FAM171A1: variants seen among roughly 807,000 people sequenced by gnomAD.
FAM171A1 encodes the protein protein FAM171A1.
A neutral mutation model predicts 74.9 loss-of-function variants in FAM171A1; 23 were observed. The observed-to-expected ratio is 0.31, with a 90% confidence interval of 0.22 to 0.44. FAM171A1 has a LOEUF of 0.44. FAM171A1 is among the 20% of genes least tolerant of loss of function. FAM171A1 has a pLI of 1.00. For missense variants in FAM171A1, 1,162 were observed against 1,159.2 expected (o/e 1.00, Z -0.03); for synonymous variants, 527 against 505.7 (o/e 1.04, Z -0.57).
At chr10:15,281,944 A>G (rs1349979848) in intron 2 of FAM171A1, among the ~76,000 whole-genome samples, 1 of 152,200 alleles carries the variant, frequency 6.6e-6, no homozygotes, top group Non-Finnish European at 1.5e-5. Context: ...GAATGTGATC[A>G]AAGTGTAGTA....
chr10:15,233,794 C>G (rs564396946), intron 5 of FAM171A1, among the ~76,000 whole-genome samples: 1 of 151,526 alleles, frequency 6.6e-6, no homozygotes, highest in East Asian at 2.0e-4. Flanking sequence ...CCCAGCTATT[C>G]GGGAGGCTGA....
chr10:15,362,249 T>C (rs1836003436), intron 1 of FAM171A1, among the ~76,000 whole-genome samples: 1 of 152,224 alleles, frequency 6.6e-6, no homozygotes, highest in Admixed American at 6.5e-5. Flanking sequence ...AAAGCACCAG[T>C]ATTGTCCAGG....
chr10:15,219,783 T>C (rs1834013650), intron 6 of FAM171A1, among the ~76,000 whole-genome samples: 1 of 152,296 alleles, frequency 6.6e-6, no homozygotes, highest in East Asian at 1.9e-4. Flanking sequence ...GGTTTCACCA[T>C]GTTAGCCAGG....
intron 5 of FAM171A1, among the ~76,000 whole-genome samples, chr10:15,229,580 C>G (rs968426716): frequency 8.7e-6 from 1 of 114,706 alleles, no homozygotes; most frequent in African/African-American, 2.9e-5. Context: ...TCACCAACGT[C>G]ATCATCATCA....
At chr10:15,324,036 C>T (rs58628714) in intron 1 of FAM171A1, among the ~76,000 whole-genome samples, 2,595 of 152,214 alleles carry the variant, frequency 0.017, 73 homozygotes, top group East Asian at 0.087. Flanking sequence ...CCTGCAATCA[C>T]GCAACTTTTA....
intron 1 of FAM171A1, among the ~76,000 whole-genome samples, chr10:15,339,904 G>C (rs763264186): frequency 2.0e-5 from 3 of 152,180 alleles, no homozygotes; most frequent in Non-Finnish European, 4.4e-5. Context: ...TGGCAGACAA[G>C]AGAGAATGAG....
At chr10:15,313,245 C>G (rs1835384860) in intron 1 of FAM171A1, among the ~76,000 whole-genome samples, 1 of 152,236 alleles carries the variant, frequency 6.6e-6, no homozygotes, top group Non-Finnish European at 1.5e-5. Context: ...TGTTCCAGGA[C>G]CCAGCAGCCT....
rs368563539 is a variant in FAM171A1 at position 15,282,082 on chromosome 10, T to C, written c.325+1796A>G. On this transcript the variant is annotated intron_variant, in intron 2 of 7. Transcript: ENST00000378116. ...AGCATTCTGTTGGTGATTTTGCTAT[T>C]TACTTATTTATTTTTAGAGATGGAG... Among the ~76,000 whole-genome samples the C allele has an allele frequency of 6.5e-4, 99 of 152,240 alleles. 1 individual carries two copies. In the East Asian group the frequency reaches 0.01, roughly 16 times the overall value.
At chr10:15,332,477 A>G (rs1835651401) in intron 1 of FAM171A1, among the ~76,000 whole-genome samples, 1 of 152,194 alleles carries the variant, frequency 6.6e-6, no homozygotes, top group South Asian at 2.1e-4. Flanking sequence ...ACATTCTTCC[A>G]TAAAGGGACA....
intron 1 of FAM171A1, among the ~76,000 whole-genome samples, chr10:15,312,377 C>T (rs559202666): frequency 1.3e-5 from 2 of 152,096 alleles, no homozygotes; most frequent in Non-Finnish European, 2.9e-5. Flanking sequence ...TGGTGGGGAG[C>T]TTTCGAATAT....
At chr10:15,318,325 G>A (rs756692074) in intron 1 of FAM171A1, among the ~76,000 whole-genome samples, 11 of 152,232 alleles carry the variant, frequency 7.2e-5, no homozygotes, top group Non-Finnish European at 1.5e-4. Flanking sequence ...TGGAGCTGAA[G>A]TTCTGCTTGG....
intron 3 of FAM171A1, among the ~76,000 whole-genome samples, chr10:15,271,015 A>G (rs1454652252): frequency 6.6e-6 from 1 of 152,252 alleles, no homozygotes. Context: ...AATGGAACAA[A>G]GCTGGACAGA....
intron 1 of FAM171A1, among the ~76,000 whole-genome samples, chr10:15,345,162 G>A (rs1356232464): frequency 6.6e-6 from 1 of 152,182 alleles, no homozygotes; most frequent in Non-Finnish European, 1.5e-5. Flanking sequence ...TAGAACTTAA[G>A]GAGAGAAGAG....
At chr10:15,353,023 T>C (rs1835896771) in intron 1 of FAM171A1, among the ~76,000 whole-genome samples, 1 of 152,246 alleles carries the variant, frequency 6.6e-6, no homozygotes, top group African/African-American at 2.4e-5. Flanking sequence ...AAGGGCGCTC[T>C]GTGCTCCGGC....
intron 4 of FAM171A1, among the ~76,000 whole-genome samples, chr10:15,249,277 G>T (rs1834478086): frequency 6.6e-6 from 1 of 151,984 alleles, no homozygotes; most frequent in Non-Finnish European, 1.5e-5. Flanking sequence ...TGTATTTTTA[G>T]TGAAGATGGG....
intron 2 of FAM171A1, among the ~76,000 whole-genome samples, chr10:15,282,616 C>A (rs1834983988): frequency 2.6e-5 from 4 of 152,170 alleles, no homozygotes; most frequent in Admixed American, 1.3e-4. Context: ...TAGCTGTTCT[C>A]CTGAAACAGG....
chr10:15,303,336 T>C (rs1379278323), intron 1 of FAM171A1, among the ~76,000 whole-genome samples: 1 of 152,340 alleles, frequency 6.6e-6, no homozygotes, highest in Non-Finnish European at 1.5e-5. Context: ...GCTTCATCTA[T>C]GGGGGAATAA....
chr10:15,281,473 G>C (rs774207114), intron 2 of FAM171A1, among the ~76,000 whole-genome samples: 4 of 150,414 alleles, frequency 2.7e-5, no homozygotes, highest in African/African-American at 4.8e-5. Flanking sequence ...TGTGGGGCCA[G>C]CCAGGGGTGG....
In FAM171A1 at chr10:15,212,844, C is replaced by T. The variant is rs898518358; in HGVS notation, c.*71G>A. 8 of 1,567,632 alleles carry T rather than the reference C, an allele frequency of 5.1e-6. No individual in the cohort carries two copies. The highest frequency in any genetic ancestry group is 1.2e-5 in the South Asian group (1 of 82,900). On this transcript the variant is annotated 3_prime_UTR_variant, in exon 8 of 8. Coordinates refer to ENST00000378116, the MANE Select transcript of FAM171A1 (RefSeq NM_001010924.2). Reference sequence around the variant, plus strand: ...GCTGCCGTTCCGTTTCCTCCACGAACGGGTACGCGCTTCCATGAGAAAGGA... The same window carrying T: ...GCTGCCGTTCCGTTTCCTCCACGAATGGGTACGCGCTTCCATGAGAAAGGA...
Sources: allele counts gnomAD v4.1 joint callset (sites outside exome capture counted in the v4.1 genomes callset), GRCh38; gene constraint gnomAD v4.1.1; transcripts MANE v1.5; gene names NCBI Gene and HGNC (gene_info 2026-07-23, HGNC 2026-07-21).